Variants in SAMD5 observed in about 807,000 individuals in gnomAD.
SAMD5 encodes sterile alpha motif domain containing 5.
In SAMD5, 13 loss-of-function variants were observed where a neutral mutation model predicts 11.3. The observed-to-expected ratio is 1.15, with a 90% confidence interval of 0.75 to 1.83. The LOEUF (loss-of-function observed/expected upper bound fraction) is 1.83, where lower values mean the gene tolerates loss of function less well. Ranked by LOEUF, SAMD5 falls within the 40% of genes most tolerant of loss-of-function variation. The pLI is 0.00. For synonymous variants in SAMD5, 129 were observed against 111.3 expected, an observed-to-expected ratio of 1.16 and a Z score of -1.00; for missense variants, 255 against 239.1, an observed-to-expected ratio of 1.07 and a Z score of -0.44.
chr6:147,861,448 G>A, the SAMD5 span, among the ~76,000 whole-genome samples: 3 of 152,120 alleles, frequency 2.0e-5, no homozygotes, highest in African/African-American at 7.2e-5. Context: ...TTACAGGTGT[G>A]AGCCACCACG....
the SAMD5 span, among the ~76,000 whole-genome samples, chr6:147,746,442 T>C: frequency 6.6e-6 from 1 of 152,212 alleles, no homozygotes; most frequent in Non-Finnish European, 1.5e-5. Flanking sequence ...TCTAAGGCCT[T>C]AGTGGTTCAA....
At chr6:147,951,362 A>G in the SAMD5 span, among the ~76,000 whole-genome samples, 3 of 151,864 alleles carry the variant, frequency 2.0e-5, no homozygotes, top group Non-Finnish European at 4.4e-5. Context: ...TTGTATTTTT[A>G]GTAGAGACTG....
chr6:147,638,107 C>T (rs1790257786), intron 1 of SAMD5, among the ~76,000 whole-genome samples: 1 of 152,100 alleles, frequency 6.6e-6, no homozygotes, highest in African/African-American at 2.4e-5. Context: ...AGTGTTCTCT[C>T]TCTCTCTCCC....
chr6:147,567,841 G>T lies in SAMD5; in HGVS notation c.*3385G>T. 1 of 985,114 alleles carries T rather than the reference G, an allele frequency of 1.0e-6. No homozygotes were observed. Among genetic ancestry groups the T allele is most frequent in the South Asian group, 4.7e-5 (1 of 21,286 alleles). The allele number at this position is 985,114 out of a possible 1,614,324, so 61.0% of individuals were successfully genotyped here. On this transcript the variant is annotated 3_prime_UTR_variant, in exon 2 of 2. Coordinates refer to ENST00000367474, the MANE Select transcript of SAMD5 (RefSeq NM_001030060.3). ...ACCTGCTCATAGGAGTTCAGTAAAT[G>T]TTTATTGATTGAATGAAAAGAATTT... is the stretch of plus-strand genomic sequence containing the variant.
chr6:147,831,438 A>G, the SAMD5 span, among the ~76,000 whole-genome samples: 2 of 152,140 alleles, frequency 1.3e-5, no homozygotes, highest in Non-Finnish European at 2.9e-5. Context: ...TTTTTCTCCC[A>G]ACATAACATC....
At chr6:147,816,301 A>AAAAAAATATATATATAT in the SAMD5 span, among the ~76,000 whole-genome samples, 24 of 66,352 alleles carry the variant, frequency 3.6e-4, 1 homozygote, top group African/African-American at 9.2e-4. Flanking sequence ...AAAAAAAAAA[A>AAAAAAATATATATATAT]ATATATATAT....
the SAMD5 span, among the ~76,000 whole-genome samples, chr6:147,767,090 A>G: frequency 4.6e-5 from 7 of 152,248 alleles, no homozygotes; most frequent in African/African-American, 1.7e-4. Flanking sequence ...CTGTTTAACC[A>G]AAAGTTGTTA....
chr6:147,688,069 C>T (rs1478112917), intron 1 of SAMD5, among the ~76,000 whole-genome samples: 1 of 152,136 alleles, frequency 6.6e-6, no homozygotes, highest in East Asian at 1.9e-4. Flanking sequence ...GAACTTTTCA[C>T]AGGGTCCCAT....
At chr6:147,616,761 G>A (rs1789879840) in intron 1 of SAMD5, among the ~76,000 whole-genome samples, 1 of 152,178 alleles carries the variant, frequency 6.6e-6, no homozygotes, top group African/African-American at 2.4e-5. Context: ...GAAGGTGAAG[G>A]AGAAGCAAGT....
chr6:147,949,864 T>C, the SAMD5 span, among the ~76,000 whole-genome samples: 481 of 152,382 alleles, frequency 3.2e-3, 1 homozygote, highest in Middle Eastern at 0.014. Flanking sequence ...CTGCATTTCT[T>C]AAATAATTCA....
chr6:147,688,090 T>A (rs1791044651), intron 1 of SAMD5, among the ~76,000 whole-genome samples: 1 of 151,972 alleles, frequency 6.6e-6, no homozygotes, highest in African/African-American at 2.4e-5. Flanking sequence ...ATTCTCTTTT[T>A]CTCTTTTTTA....
chr6:147,679,307 T>C (rs1790907660), intron 1 of SAMD5, among the ~76,000 whole-genome samples: 1 of 152,130 alleles, frequency 6.6e-6, no homozygotes, highest in Admixed American at 6.5e-5. Flanking sequence ...TACATTATAG[T>C]CAATGCTTGG....
At chr6:147,550,761 G>C (rs779696560) in intron 1 of SAMD5, among the ~76,000 whole-genome samples, 4 of 152,208 alleles carry the variant, frequency 2.6e-5, no homozygotes, top group Non-Finnish European at 5.9e-5. Flanking sequence ...AAGGGTGTGA[G>C]GTGGGCAGAG....
chr6:147,563,763 C>T (rs1321366022), intron 1 of SAMD5, among the ~76,000 whole-genome samples: 1 of 152,176 alleles, frequency 6.6e-6, no homozygotes, highest in Non-Finnish European at 1.5e-5. Flanking sequence ...CAAATGAATT[C>T]GACTAGGTTG....
intron 1 of SAMD5, among the ~76,000 whole-genome samples, chr6:147,630,579 C>T (rs1790134395): frequency 6.6e-6 from 1 of 152,056 alleles, no homozygotes. Context: ...GAGAGCAACC[C>T]CCTTTGACTG....
chr6:147,694,980 G>T (rs909057403), intron 1 of SAMD5, among the ~76,000 whole-genome samples: 3 of 152,170 alleles, frequency 2.0e-5, no homozygotes, highest in Non-Finnish European at 4.4e-5. Context: ...AAACTAGCAT[G>T]AGTAAATAAC....
the SAMD5 span, among the ~76,000 whole-genome samples, chr6:147,814,600 T>C: frequency 6.6e-6 from 1 of 152,178 alleles, no homozygotes; most frequent in Non-Finnish European, 1.5e-5. Context: ...CAGAGCACCA[T>C]TCAAAGCAGC....
chr6:147,509,032 A>T lies in SAMD5; in HGVS notation c.104A>T (p.Gln35Leu). 1 of 1,607,384 alleles carries T rather than the reference A, an allele frequency of 6.2e-7. No homozygotes were observed. Among genetic ancestry groups the T allele is most frequent in the Non-Finnish European group, 8.5e-7 (1 of 1,177,558 alleles). ...TACGATGACCTGGAGGTGTGCAAGCAGATCGGGGACCCGGACCTGGATGCC... is the reference window on the plus strand; with the variant it reads ...TACGATGACCTGGAGGTGTGCAAGCTGATCGGGGACCCGGACCTGGATGCC... ...NGYDDLEVCK[Q>L]IGDPDLDAIG... Residue 35 changes from glutamine (Q) to leucine (L), a missense_variant, in exon 1 of 2, where the codon CAG becomes CTG. By Grantham distance (113) the Gln-to-Leu change is moderately radical. Transcript: ENST00000367474.
At chr6:147,842,038 T>C in the SAMD5 span, among the ~76,000 whole-genome samples, 1 of 152,178 alleles carries the variant, frequency 6.6e-6, no homozygotes, top group Admixed American at 6.5e-5. Flanking sequence ...AACCTTGTGC[T>C]CCTAAATGCT....
Sources: allele counts gnomAD v4.1 joint callset (sites outside exome capture counted in the v4.1 genomes callset), GRCh38; gene constraint gnomAD v4.1.1; transcripts MANE v1.5; gene names NCBI Gene and HGNC (gene_info 2026-07-23, HGNC 2026-07-21).